Variants in UNC13C observed in about 807,000 individuals in gnomAD.
UNC13C encodes protein unc-13 homolog C.
UNC13C carries 174 observed loss-of-function variants against 245.4 expected under a neutral mutation model. That is an observed-to-expected ratio of 0.71 (90% CI 0.63 to 0.80). The LOEUF is 0.80. UNC13C is among the 30% of genes least tolerant of loss of function. UNC13C has a pLI of 0.00. For synonymous variants in UNC13C, 992 were observed against 895.1 expected (o/e 1.11, Z -1.93); for missense variants, 2,829 against 2,602.9 (o/e 1.09, Z -1.89).
chr15:54,506,620 C>T (rs562989555), intron 22 of UNC13C, among the ~76,000 whole-genome samples: 6 of 152,062 alleles, frequency 3.9e-5, no homozygotes, highest in South Asian at 2.1e-4. Flanking sequence ...ATCAATTTAG[C>T]GAATTCAGGT....
intron 2 of UNC13C, among the ~76,000 whole-genome samples, chr15:54,132,093 G>GTTTTTTT (rs2031467056): frequency 2.9e-4 from 1 of 3,446 alleles, no homozygotes; most frequent in African/African-American, 8.7e-4. Flanking sequence ...TTTTGACAGC[G>GTTTTTTT]TCTTGCTCTG....
At chr15:54,498,623 C>G (rs1894057321) in intron 20 of UNC13C, among the ~76,000 whole-genome samples, 1 of 151,986 alleles carries the variant, frequency 6.6e-6, no homozygotes, top group Admixed American at 6.6e-5. Flanking sequence ...ATTATAGCCA[C>G]AAACAATTAG....
At chr15:54,081,608 CT>C (rs35643072) in intron 2 of UNC13C, among the ~76,000 whole-genome samples, 100,083 of 150,644 alleles carry the variant, frequency 0.66, 35,772 homozygotes, top group Non-Finnish European at 0.81. Context: ...GCAATCCCTG[CT>C]TTTTTTTTTC....
chr15:54,446,358 G>A (rs542388939), intron 19 of UNC13C, among the ~76,000 whole-genome samples: 3 of 152,120 alleles, frequency 2.0e-5, no homozygotes, highest in Non-Finnish European at 4.4e-5. Flanking sequence ...GTTGGGGATG[G>A]CATTGAATCT....
chr15:54,085,125 T>G (rs563725526), intron 2 of UNC13C, among the ~76,000 whole-genome samples: 1 of 152,256 alleles, frequency 6.6e-6, no homozygotes, highest in African/African-American at 2.4e-5. Flanking sequence ...ATAACCCTCC[T>G]TATGGAGGGA....
intron 4 of UNC13C, among the ~76,000 whole-genome samples, chr15:54,179,851 A>G (rs930380099): frequency 1.2e-4 from 19 of 152,110 alleles, no homozygotes; most frequent in African/African-American, 4.6e-4. Flanking sequence ...ACTGCAGTCA[A>G]ATTATTAAAT....
intron 3 of UNC13C, 43 bp downstream of exon 3, chr15:54,143,083 T>C (rs548654054): frequency 6.4e-7 from 1 of 1,572,502 alleles, no homozygotes; most frequent in Admixed American, 1.7e-5. Context: ...GAATCTTGTC[T>C]TTTGTACATG....
chr15:54,236,231 G>T (rs1353511375), intron 5 of UNC13C, among the ~76,000 whole-genome samples, 199 bp from the exon 6 acceptor site: 1 of 152,058 alleles, frequency 6.6e-6, no homozygotes, highest in Admixed American at 6.5e-5. Flanking sequence ...CACCACTTTG[G>T]TTTTAAAATA....
chr15:54,482,293 G>A (rs532466742), intron 19 of UNC13C, among the ~76,000 whole-genome samples: 1 of 152,202 alleles, frequency 6.6e-6, no homozygotes, highest in South Asian at 2.1e-4. Flanking sequence ...TGAGGCCTGG[G>A]CTCTCAAAAT....
intron 4 of UNC13C, among the ~76,000 whole-genome samples, chr15:54,170,818 A>G (rs1269353798): frequency 6.6e-6 from 1 of 152,148 alleles, no homozygotes; most frequent in African/African-American, 2.4e-5. Context: ...GCAGATACCT[A>G]AAAAGTAAAC....
At chr15:54,368,053 T>A (rs922117847) in intron 17 of UNC13C, among the ~76,000 whole-genome samples, 3 of 152,116 alleles carry the variant, frequency 2.0e-5, no homozygotes, top group Non-Finnish European at 4.4e-5. Flanking sequence ...TTCAGGGTAA[T>A]GCAAGTACAT....
intron 2 of UNC13C, among the ~76,000 whole-genome samples, chr15:54,072,724 A>G (rs977648837): frequency 5.3e-5 from 8 of 152,178 alleles, no homozygotes; most frequent in Admixed American, 5.2e-4. Context: ...CATTTGTCTT[A>G]TGTAATACAC....
In UNC13C at chr15:54,015,154, C is replaced by A. The variant is rs1204975231; in HGVS notation, c.2251C>A (p.Gln751Lys). 6.2e-7 allele frequency: 1 copy of A among 1,612,110 alleles called. No homozygotes were observed. Among genetic ancestry groups the A allele is most frequent in the African/African-American group, 1.3e-5 (1 of 74,896 alleles). The stretch of plus-strand genomic sequence containing the variant: ...GGGAGCTAATTCTAATGAGCTATAC[C>A]AAAATCAAAACCAGTTGTCCATGAT... Reference protein sequence around the residue: ...YQGANSNELYQNQNQLSMMYR... With the variant: ...YQGANSNELYKNQNQLSMMYR... The change falls in exon 2 of 33, where the codon CAA becomes AAA. Residue 751 changes from glutamine to lysine, a missense_variant. Physicochemically the swap from Gln to Lys is moderately conservative, Grantham distance 53 (BLOSUM62 1). Coordinates refer to ENST00000260323, the MANE Select transcript of UNC13C (RefSeq NM_001080534.3).
chr15:53,893,222 G>C, the UNC13C span, among the ~76,000 whole-genome samples: 8 of 152,172 alleles, frequency 5.3e-5, no homozygotes, highest in African/African-American at 1.7e-4. Context: ...TCTTTTCTCT[G>C]GAAGCTTTGT....
intron 24 of UNC13C, among the ~76,000 whole-genome samples, chr15:54,516,480 G>A (rs969738713): frequency 1.3e-5 from 2 of 152,142 alleles, no homozygotes; most frequent in Non-Finnish European, 2.9e-5. Flanking sequence ...TGGGGACCAT[G>A]CATTGAGAAT....
At chr15:54,175,221 T>A (rs968204955) in intron 4 of UNC13C, among the ~76,000 whole-genome samples, 1 of 152,170 alleles carries the variant, frequency 6.6e-6, no homozygotes, top group African/African-American at 2.4e-5. Flanking sequence ...CTTTTCTTTA[T>A]GTAGGATTCC....
chr15:53,954,896 A>T, the UNC13C span, among the ~76,000 whole-genome samples: 3 of 152,206 alleles, frequency 2.0e-5, no homozygotes, highest in African/African-American at 7.2e-5. Flanking sequence ...TCAGTGTACT[A>T]TTAGGTTGTA....
intron 17 of UNC13C, among the ~76,000 whole-genome samples, chr15:54,340,810 T>C (rs1374087928): frequency 6.6e-6 from 1 of 152,186 alleles, no homozygotes; most frequent in African/African-American, 2.4e-5. Flanking sequence ...CTGTTTTTTC[T>C]AGTTCTGTGA....
intron 4 of UNC13C, among the ~76,000 whole-genome samples, chr15:54,159,375 C>T (rs2032882163): frequency 6.6e-6 from 1 of 152,164 alleles, no homozygotes; most frequent in Admixed American, 6.5e-5. Flanking sequence ...AAGACTATAC[C>T]ATTTCATTCA....
Sources: gnomAD v4.1 joint callset for allele counts (sites outside exome capture counted in the v4.1 genomes callset) on GRCh38, gnomAD v4.1.1 for gene constraint, MANE v1.5 for transcripts, NCBI Gene and HGNC (gene_info 2026-07-23, HGNC 2026-07-21) for gene names.